CDC42SE2: variants seen among roughly 807,000 people sequenced by gnomAD.
CDC42SE2 encodes the protein CDC42 small effector 2.
Under a neutral mutation model 11.5 loss-of-function variants are expected in CDC42SE2, and 3 were observed. The observed-to-expected ratio is 0.26, with a 90% CI of 0.12 to 0.67. The LOEUF (loss-of-function observed/expected upper bound fraction) is 0.67, where lower values mean the gene tolerates loss of function less well. Ranked by LOEUF, CDC42SE2 falls within the 30% of genes least tolerant of loss-of-function variation. The probability of loss-of-function intolerance (pLI) is 0.80; values close to 1 mark genes in which losing one functional copy is unlikely to be tolerated. For synonymous variants in CDC42SE2, 33 were observed against 34.8 expected (o/e 0.95, Z 0.18); for missense variants, 82 against 106.8 (o/e 0.77, Z 1.02).
intron 1 of CDC42SE2, among the ~76,000 whole-genome samples, chr5:131,274,604 A>T (rs927833350): frequency 1.3e-5 from 2 of 152,298 alleles, no homozygotes; most frequent in African/African-American, 4.8e-5. Context: ...CCTGTGTTCA[A>T]ACCCTTAGTG....
At chr5:131,345,471 C>T (rs981165085) in intron 2 of CDC42SE2, among the ~76,000 whole-genome samples, 1 of 152,100 alleles carries the variant, frequency 6.6e-6, no homozygotes, top group African/African-American at 2.4e-5. Flanking sequence ...AAGAAATGAA[C>T]AAAGCCTCCA....
chr5:131,343,713 C>CAA (rs530307746), intron 2 of CDC42SE2, among the ~76,000 whole-genome samples: 16,348 of 100,870 alleles, frequency 0.16, 2,190 homozygotes, highest in African/African-American at 0.4. Context: ...AACTCTGTCT[C>CAA]AAAAAAAAAA....
At chr5:131,255,585 C>A (rs1349072029) in intron 2 of CDC42SE2, 4 of 152,116 alleles carry the variant, frequency 2.6e-5, no homozygotes, top group African/African-American at 7.2e-5. Context: ...CATGATGAAA[C>A]CCCATCTCTA....
rs562016413 is a variant in CDC42SE2, at chr5:131,274,640, A to G, written c.-455+10474A>G. 7.9e-5 allele frequency among the ~76,000 whole-genome samples: 12 copies of G among 152,348 alleles called. No homozygotes were observed. The East Asian group carries it at 2.3e-3, about 29-fold the overall frequency. ...GCTTTCCATATCGTTTATAAAAACC[A>G]GAATACTTAATACCTAAGTATTCAA... On this transcript the variant is annotated intron_variant, in intron 1 of 4. Transcript: ENST00000505065.
rs573171285 is a variant in CDC42SE2, at chr5:131,366,393, G to C, written c.54+6846G>C. 2.0e-5 allele frequency among the ~76,000 whole-genome samples: 3 copies of C among 152,334 alleles called. No homozygotes were observed. In the South Asian group the frequency reaches 6.2e-4, roughly 32 times the overall value. ...CTAGTGTCCATAGCATTCGGCGTGA[G>C]TTCAAGATGGGGAAAAGGGATAAGA... On this transcript the variant is annotated intron_variant, in intron 3 of 4. Coordinates refer to ENST00000505065, the MANE Select transcript of CDC42SE2 (RefSeq NM_001375635.1).
At chr5:131,248,070 T>C (rs772336739) in intron 1 of CDC42SE2, among the ~76,000 whole-genome samples, 27 of 152,182 alleles carry the variant, frequency 1.8e-4, no homozygotes, top group Non-Finnish European at 3.5e-4. Context: ...ATTAAGAGTA[T>C]CTATACTAGA....
At chr5:131,219,873 G>A in the CDC42SE2 span, among the ~76,000 whole-genome samples, 2 of 152,108 alleles carry the variant, frequency 1.3e-5, no homozygotes, top group Non-Finnish European at 2.9e-5. Context: ...GGGGGCAGAG[G>A]TTGCAGTGAG....
intron 1 of CDC42SE2, among the ~76,000 whole-genome samples, chr5:131,282,800 T>A (rs1350677279): frequency 1.5e-5 from 2 of 137,278 alleles, no homozygotes; most frequent in Non-Finnish European, 3.2e-5. Context: ...GGCTAATGTT[T>A]TTGTATTTTT....
intron 3 of CDC42SE2, among the ~76,000 whole-genome samples, chr5:131,378,213 T>C (rs1750211601): frequency 6.6e-6 from 1 of 152,246 alleles, no homozygotes; most frequent in Admixed American, 6.5e-5. Context: ...GTGTTTCATA[T>C]AGTTTGTTGA....
intron 1 of CDC42SE2, among the ~76,000 whole-genome samples, chr5:131,275,928 A>T (rs770042705): frequency 2.4e-4 from 37 of 152,090 alleles, no homozygotes; most frequent in Non-Finnish European, 4.4e-4. Flanking sequence ...ACTAGCAGCT[A>T]CAATAATGTA....
At chr5:131,271,204 G>A (rs1262302036) in intron 1 of CDC42SE2, among the ~76,000 whole-genome samples, 1 of 152,096 alleles carries the variant, frequency 6.6e-6, no homozygotes, top group African/African-American at 2.4e-5. Context: ...CTTTAAGGTA[G>A]TTCTATAACA....
At position 131,249,028 on chromosome 5, in the gene CDC42SE2, T is replaced by TC. The variant is rs1756618883; in HGVS notation, n.107+3429_107+3430insC. Among the ~76,000 whole-genome samples the TC allele has an allele frequency of 2.7e-5, 4 of 149,490 alleles. No homozygotes were observed. The South Asian group carries it at 8.6e-4, about 32-fold the overall frequency. ...CCAGGTTACATCTTTTTTTTTTTTT[T>TC]TTTTTTTGATACAGACTCTTGCTCT... On this transcript the variant is annotated intron_variant and non_coding_transcript_variant, in intron 1 of 3. Transcript: ENST00000502840.
At chr5:131,227,581 A>G in the CDC42SE2 span, among the ~76,000 whole-genome samples, 6 of 152,218 alleles carry the variant, frequency 3.9e-5, no homozygotes, top group Non-Finnish European at 8.8e-5. Context: ...AATTTATAGA[A>G]TTTTATTTTA....
Position 131,252,079 on chromosome 5 carries a change from A to AGGAAG in CDC42SE2, n.108-3014_108-3010dup, listed in dbSNP as rs1756643916. Among the ~76,000 whole-genome samples the AGGAAG allele has an allele frequency of 3.3e-5, 5 of 150,554 alleles. No individual in the cohort carries two copies. In the South Asian group the frequency reaches 1.1e-3, roughly 32 times the overall value. ...ATGAGTGGAAGGAAGGAAGGAAGGA[A>AGGAAG]GGAAGGAAGGAAGGAAGGAAGGAAG... On this transcript the variant is annotated intron_variant and non_coding_transcript_variant, in intron 1 of 3. Transcript: ENST00000502840.
At chr5:131,336,367 C>T (rs982659800) in intron 2 of CDC42SE2, among the ~76,000 whole-genome samples, 19 of 152,270 alleles carry the variant, frequency 1.2e-4, no homozygotes, top group South Asian at 4.2e-4. Context: ...CTTCCCTTTG[C>T]GGGTAACCCA....
At chr5:131,229,363 A>G in the CDC42SE2 span, among the ~76,000 whole-genome samples, 1 of 151,766 alleles carries the variant, frequency 6.6e-6, no homozygotes, top group African/African-American at 2.4e-5. Context: ...ACCCTATACA[A>G]TTTCTTCCTG....
At chr5:131,280,495 C>T (rs73262392) in intron 1 of CDC42SE2, among the ~76,000 whole-genome samples, 10,308 of 152,066 alleles carry the variant, frequency 0.068, 672 homozygotes, top group African/African-American at 0.17. Context: ...TTCTGTTTGA[C>T]GAGGATAAAG....
the CDC42SE2 span, among the ~76,000 whole-genome samples, chr5:131,231,158 TA>T: frequency 3.3e-5 from 5 of 152,324 alleles, no homozygotes; most frequent in Admixed American, 3.3e-4. Flanking sequence ...CCCTCCTTTT[TA>T]ATTCTCTGGA....
chr5:131,310,648 A>T (rs1028080053), intron 1 of CDC42SE2, among the ~76,000 whole-genome samples: 1 of 152,008 alleles, frequency 6.6e-6, no homozygotes, highest in African/African-American at 2.4e-5. Flanking sequence ...GGGTGCATAT[A>T]TATTTAGGAT....
Sources: gnomAD v4.1 joint callset for allele counts (sites outside exome capture counted in the v4.1 genomes callset) on GRCh38, gnomAD v4.1.1 for gene constraint, MANE v1.5 for transcripts, NCBI Gene and HGNC (gene_info 2026-07-23, HGNC 2026-07-21) for gene names.